SCUBE3: variants seen among roughly 807,000 people sequenced by gnomAD.
SCUBE3 encodes signal peptide, CUB domain and EGF like domain containing 3.
SCUBE3 carries 33 observed loss-of-function variants against 116.8 expected under a neutral mutation model. The observed-to-expected ratio is 0.28, with a 90% CI of 0.21 to 0.38. The LOEUF (loss-of-function observed/expected upper bound fraction) is 0.38, where lower values mean the gene tolerates loss of function less well. SCUBE3 is among the 10% of genes least tolerant of loss of function. The pLI is 1.00. For synonymous variants in SCUBE3, 418 were observed against 496.9 expected (o/e 0.84, Z 2.11); for missense variants, 1,007 against 1,324.8 (o/e 0.76, Z 3.72).
Position 35,240,569 on chromosome 6 carries a change from G to T in SCUBE3, c.1069+79G>T. ...CTCCAATTGAACAGGTCCTTGTGTT[G>T]GCTTGTGGCTATGGGCAATCCCTGG... On this transcript the variant is annotated intron_variant, in intron 9 of 21. Transcript: ENST00000274938. The surrounding 1 kb of genome is among the most constrained non-coding windows in gnomAD (Gnocchi z 4.6). The T allele has an allele frequency of 1.5e-6, 1 of 685,688 alleles. No individual in the cohort carries two copies. The highest frequency in any genetic ancestry group is 2.5e-6 in the Non-Finnish European group (1 of 400,252). 42.5% of individuals were successfully genotyped at this position (685,688 alleles called of 1,614,324 possible).
intron 1 of SCUBE3, chr6:35,224,700 T>A (rs1332545266): frequency 1.4e-5 from 2 of 141,218 alleles, no homozygotes; most frequent in African/African-American, 5.3e-5. Context: ...AGCATCAAGA[T>A]CCACTCTAGT....
In SCUBE3 at chr6:35,214,555, A is replaced by G. The variant is rs1170619646; in HGVS notation, c.85+52A>G. 1 of 1,177,560 alleles carries G rather than the reference A, an allele frequency of 8.5e-7. No individual in the cohort carries two copies. Among genetic ancestry groups the G allele is most frequent in the Non-Finnish European group, 1.1e-6 (1 of 882,336 alleles). 72.9% of individuals were successfully genotyped at this position (1,177,560 alleles called of 1,614,324 possible). A position where few individuals can be genotyped will look rare whatever the true frequency, so the allele number is the denominator to read the frequency against. ...GGGGCTGTCCTGGCTGCTGGGCCTC[A>G]GGGCCTAGGAGCGATTCCCGAGGGG... is the stretch of plus-strand genomic sequence containing the variant. On this transcript the variant is annotated intron_variant, in intron 1 of 21. Transcript: ENST00000274938. This position sits in a 1 kb window ranked among gnomAD's most constrained non-coding sequence, Gnocchi z 6.3.
rs545536860 is a variant in SCUBE3, at chr6:35,226,910, T to C, written c.86-670T>C. On this transcript the variant is annotated intron_variant, in intron 1 of 21. Coordinates refer to ENST00000274938, the MANE Select transcript of SCUBE3 (RefSeq NM_152753.4). ...AGACAGAGGGCTAAACACTGGGGAT[T>C]AGGGCCTGAAGGGCTGCACTTATTA... is the stretch of plus-strand genomic sequence containing the variant. 1.6e-4 allele frequency among the ~76,000 whole-genome samples: 24 copies of C among 152,300 alleles called. 1 individual carries two copies. In the South Asian group the frequency reaches 4.3e-3, roughly 28 times the overall value.
chr6:35,247,159 G>A (rs1289713497), intron 21 of SCUBE3, among the ~76,000 whole-genome samples: 7 of 152,190 alleles, frequency 4.6e-5, no homozygotes, highest in South Asian at 2.1e-4. Flanking sequence ...GTCTGGCTGC[G>A]CATGGTGGAT....
In SCUBE3 at chr6:35,248,921, C is replaced by A. The variant is rs897501589; in HGVS notation, c.*216C>A. ...CTCTCTACTGTTCCCCCTTTTCTAA[C>A]ACACTACCTAGAAAAGCCATTCAGT... On this transcript the variant is annotated 3_prime_UTR_variant, in exon 22 of 22. Coordinates refer to ENST00000274938, the MANE Select transcript of SCUBE3 (RefSeq NM_152753.4). 3.0e-5 allele frequency: 17 copies of A among 572,402 alleles called. No homozygotes were observed. The highest frequency in any genetic ancestry group is 6.4e-5 in the South Asian group (3 of 46,580). The allele number at this position is 572,402 out of a possible 1,614,324, so 35.5% of individuals were successfully genotyped here.
At chr6:35,216,232 C>T (rs559924087) in intron 1 of SCUBE3, among the ~76,000 whole-genome samples, 5 of 152,308 alleles carry the variant, frequency 3.3e-5, no homozygotes, top group African/African-American at 4.8e-5. Context: ...GATTCAGGAA[C>T]GGGAGTCAGA....
In SCUBE3 at chr6:35,214,409, A is replaced by G. The variant is rs1675341982; in HGVS notation, c.-10A>G. ...CGGCCCCGGCGGCTGGGCCGCCAGT[A>G]GCTCCAGCCATGGGCTCGGGGCGCG... On this transcript the variant is annotated 5_prime_UTR_variant, in exon 1 of 22. Coordinates refer to ENST00000274938, the MANE Select transcript of SCUBE3 (RefSeq NM_152753.4). The surrounding 1 kb of genome is among the most constrained non-coding windows in gnomAD (Gnocchi z 6.3). The G allele has an allele frequency of 1.4e-6, 2 of 1,434,208 alleles. No individual in the cohort carries two copies. Among genetic ancestry groups the G allele is most frequent in the Admixed American group, 2.6e-5 (1 of 38,848 alleles). 88.8% of individuals were successfully genotyped at this position (1,434,208 alleles called of 1,614,324 possible).
chr6:35,221,484 G>C (rs1367527152), intron 1 of SCUBE3: 1 of 152,222 alleles, frequency 6.6e-6, no homozygotes, highest in African/African-American at 2.4e-5. Flanking sequence ...GCCACAGATA[G>C]AGACATTATC....
At position 35,251,136 on chromosome 6, in the gene SCUBE3, TTC is replaced by T. The variant is rs1406800568; in HGVS notation, c.*2433_*2434del. 7.0e-6 allele frequency: 1 copy of T among 142,964 alleles called. No homozygotes were observed. Among genetic ancestry groups the T allele is most frequent in the Non-Finnish European group, 1.5e-5 (1 of 66,884 alleles). 8.9% of individuals were successfully genotyped at this position (142,964 alleles called of 1,614,324 possible). The stretch of plus-strand genomic sequence containing the variant: ...TTCTCCACCAGAAGCTAGGATAACT[TTC>T]TTTCTTTCTTTCTTTTTTTTTTTTT... On this transcript the variant is annotated 3_prime_UTR_variant, in exon 22 of 22. Coordinates refer to ENST00000274938, the MANE Select transcript of SCUBE3 (RefSeq NM_152753.4).
rs1157401729 is a variant in SCUBE3 at position 35,219,124 on chromosome 6, T to TC, written c.85+4626dup. 6.6e-6 allele frequency among the ~76,000 whole-genome samples: 1 copy of TC among 152,106 alleles called. No homozygotes were observed. The highest frequency in any genetic ancestry group is 2.1e-4 in the South Asian group (1 of 4,828). On this transcript the variant is annotated intron_variant, in intron 1 of 21. Transcript: ENST00000274938. This position sits in a 1 kb window ranked among gnomAD's most constrained non-coding sequence, Gnocchi z 4.7. ...GGTCATCTGGATACTCTTCCTTTCT[T>TC]CCCCCACCCCAGTTTCCTGGAACCC...
In SCUBE3 at chr6:35,241,613, G is replaced by A. The variant is rs1470494776; in HGVS notation, c.1266G>A (p.Lys422=). 1 of 1,614,190 alleles carries A rather than the reference G, an allele frequency of 6.2e-7. No individual in the cohort carries two copies. The highest frequency in any genetic ancestry group is 8.5e-7 in the Non-Finnish European group (1 of 1,180,010). Residue 422 remains lysine, a synonymous_variant, in exon 11 of 22, where the codon AAG becomes AAA. Transcript: ENST00000274938. The surrounding 1 kb of genome is among the most constrained non-coding windows in gnomAD (Gnocchi z 4.1). ...TCAGCTGCAACCGGTCTGGCAAGAA[G>A]GACACCTGTGCCCTGACCTGTCCCT... ...AMLSCNRSGK[K]DTCALTCPSR... is the part of the protein sequence containing the mutation.
chr6:35,243,163 C>A lies in SCUBE3; in HGVS notation c.1836C>A (p.Gly612=). The A allele has an allele frequency of 1.2e-6, 2 of 1,614,232 alleles. No individual in the cohort carries two copies. Among genetic ancestry groups the A allele is most frequent in the East Asian group, 4.5e-5 (2 of 44,878 alleles). The change falls in exon 15 of 22, where the codon GGC becomes GGA. Residue 612 remains glycine, a synonymous_variant. Coordinates refer to ENST00000274938, the MANE Select transcript of SCUBE3 (RefSeq NM_152753.4). This position sits in a 1 kb window ranked among gnomAD's most constrained non-coding sequence, Gnocchi z 6.6. ...GLDYELAHKP[G]LVAGERAEPM... The stretch of plus-strand genomic sequence containing the variant: ...ATTATGAGCTGGCCCACAAGCCGGG[C>A]CTGGTAGCCGGGGAGCGAGCAGAGC...
At position 35,233,248 on chromosome 6, in the gene SCUBE3, G is replaced by A. The variant is rs749321993; in HGVS notation, c.659G>A (p.Arg220Gln). The change falls in exon 6 of 22, where the codon CGG (arginine) becomes CAG (glutamine). Residue 220 changes from arginine (R) to glutamine (Q), a missense_variant. Arg to Gln is a conservative substitution (Grantham distance 43). Transcript: ENST00000274938. This position sits in a 1 kb window ranked among gnomAD's most constrained non-coding sequence, Gnocchi z 5.7. ...TGTGATGACACAGAGCAGGGTCCCC[G>A]GTGCGGCTGCCATATCAAGTTTGTG... Reference protein sequence around the residue: ...HTCDDTEQGPRCGCHIKFVLH... With the variant: ...HTCDDTEQGPQCGCHIKFVLH... 1.5e-5 allele frequency: 24 copies of A among 1,613,432 alleles called. No homozygotes were observed. Among genetic ancestry groups the A allele is most frequent in the South Asian group, 4.4e-5 (4 of 91,076 alleles).
At chr6:35,227,793 A>C in intron 2 of SCUBE3, 91 bp downstream of exon 2, 2 of 1,347,598 alleles carry the variant, frequency 1.5e-6, no homozygotes, top group Non-Finnish European at 2.1e-6. Flanking sequence ...CCATCACATC[A>C]AGGCTAGAAA....
rs528946410 is a variant in SCUBE3, at chr6:35,233,973, A to G, written c.712+672A>G. ...ACCCTGTTTCTTCCTCACCAACTCC[A>G]GCCTTCCATCTCTTACCTTGATTTG... On this transcript the variant is annotated intron_variant, in intron 6 of 21. Coordinates refer to ENST00000274938, the MANE Select transcript of SCUBE3 (RefSeq NM_152753.4). The surrounding 1 kb of genome is among the most constrained non-coding windows in gnomAD (Gnocchi z 5.7). 4.6e-5 allele frequency among the ~76,000 whole-genome samples: 7 copies of G among 152,052 alleles called. No homozygotes were observed. The South Asian group carries it at 1.5e-3, about 32-fold the overall frequency.
Position 35,227,648 on chromosome 6 carries a change from T to C in SCUBE3, c.154T>C (p.Ser52Pro), listed in dbSNP as rs897510840. ...TGCTATCTGCCAGAACACCCCGAGG[T>C]CATACAAGTGCATCTGCAAGTCTGG... The part of the protein sequence containing the change: ...IDAICQNTPR[S>P]YKCICKSGYT... Residue 52 changes from serine to proline, a missense_variant, in exon 2 of 22, where the codon TCA (serine) becomes CCA (proline). This residue lies in a region of SCUBE3 where 94 missense variants were observed against 92.0 expected (regional missense o/e 1.02). Transcript: ENST00000274938. The C allele has an allele frequency of 1.2e-6, 2 of 1,614,010 alleles. No homozygotes were observed. The highest frequency in any genetic ancestry group is 1.7e-5 in the Admixed American group (1 of 59,998).
intron 1 of SCUBE3, among the ~76,000 whole-genome samples, chr6:35,225,270 C>T (rs938103167): frequency 2.6e-5 from 4 of 152,216 alleles, no homozygotes; most frequent in Admixed American, 2.0e-4. Flanking sequence ...ATAAGAAAAC[C>T]ATCCCTAGAG....
intron 6 of SCUBE3, among the ~76,000 whole-genome samples, chr6:35,236,151 A>ATC (rs1783762086): frequency 6.6e-6 from 1 of 152,228 alleles, no homozygotes; most frequent in African/African-American, 2.4e-5. Context: ...CATGTAGAGC[A>ATC]TCTACCTGGC....
In SCUBE3 at chr6:35,249,892, CT is replaced by C. The variant is rs1352393406; in HGVS notation, c.*1190del. 3.3e-5 allele frequency: 5 copies of C among 152,646 alleles called. No individual in the cohort carries two copies. The highest frequency in any genetic ancestry group is 5.9e-5 in the Non-Finnish European group (4 of 68,042). The allele number at this position is 152,646 out of a possible 1,614,324, so 9.5% of individuals were successfully genotyped here. ...CCTAATAAGTGCAATCATTTTGAGT[CT>C]TTCTATGTTGTCTAGACGGAGGGGT... On this transcript the variant is annotated 3_prime_UTR_variant, in exon 22 of 22. Transcript: ENST00000274938.
Sources: allele counts gnomAD v4.1 joint callset (sites outside exome capture counted in the v4.1 genomes callset), GRCh38; gene constraint gnomAD v4.1.1; regional missense constraint gnomAD v4.1.1; non-coding constraint Gnocchi (gnomAD v3.1); transcripts MANE v1.5; gene names NCBI Gene and HGNC (gene_info 2026-07-23, HGNC 2026-07-21).